CNTNAP5: variants seen among roughly 807,000 people sequenced by gnomAD.
The protein encoded by CNTNAP5 is contactin-associated protein-like 5.
In CNTNAP5, 72 loss-of-function variants were observed where a neutral mutation model predicts 150.2. The observed-to-expected ratio is 0.48, with a 90% CI of 0.40 to 0.58. The LOEUF (loss-of-function observed/expected upper bound fraction) is 0.58, where lower values mean the gene tolerates loss of function less well. Ranked by LOEUF, CNTNAP5 falls within the 20% of genes least tolerant of loss-of-function variation. CNTNAP5 has a pLI of 0.00. For missense variants in CNTNAP5, 1,636 were observed against 1,626.2 expected (o/e 1.01, Z -0.10); for synonymous variants, 672 against 619.8 (o/e 1.08, Z -1.25).
chr2:124,739,545 C>T (rs1358675262), intron 13 of CNTNAP5, among the ~76,000 whole-genome samples: 1 of 152,040 alleles, frequency 6.6e-6, no homozygotes, highest in African/African-American at 2.4e-5. Context: ...ACTTTGGTGG[C>T]CTCGTTCTCT....
intron 19 of CNTNAP5, among the ~76,000 whole-genome samples, chr2:124,864,988 T>G (rs771303507): frequency 6.6e-6 from 1 of 152,080 alleles, no homozygotes; most frequent in African/African-American, 2.4e-5. Context: ...GTAGAAAAGA[T>G]CTTAACTCTA....
intron 11 of CNTNAP5, among the ~76,000 whole-genome samples, chr2:124,594,556 G>C (rs1468750317): frequency 5.1e-4 from 74 of 145,142 alleles, no homozygotes; most frequent in African/African-American, 1.7e-3. Context: ...AGTATAGTTT[G>C]AAGTCAGGTA....
intron 8 of CNTNAP5, among the ~76,000 whole-genome samples, chr2:124,518,023 G>A (rs1028600763): frequency 2.0e-5 from 3 of 151,920 alleles, no homozygotes; most frequent in Admixed American, 6.6e-5. Flanking sequence ...TAGTGAGCAG[G>A]CGTGCTGCTA....
chr2:124,291,633 G>T (rs1688296341), intron 3 of CNTNAP5, among the ~76,000 whole-genome samples: 1 of 151,880 alleles, frequency 6.6e-6, no homozygotes, highest in African/African-American at 2.4e-5. Context: ...AGAAAAAAAT[G>T]CTGCCAAATA....
intron 18 of CNTNAP5, among the ~76,000 whole-genome samples, chr2:124,797,691 C>T (rs1323638098): frequency 6.6e-6 from 1 of 152,212 alleles, no homozygotes; most frequent in Non-Finnish European, 1.5e-5. Flanking sequence ...CTGTCAGGTT[C>T]TCAGTTTTGG....
chr2:124,500,142 C>T (rs540127510), intron 7 of CNTNAP5, among the ~76,000 whole-genome samples: 1 of 152,242 alleles, frequency 6.6e-6, no homozygotes, highest in African/African-American at 2.4e-5. Flanking sequence ...TTGGGGAGGG[C>T]ACTGTACTTT....
At chr2:124,749,373 C>T (rs1680673191) in intron 14 of CNTNAP5, among the ~76,000 whole-genome samples, 1 of 148,280 alleles carries the variant, frequency 6.7e-6, no homozygotes, top group South Asian at 2.2e-4. Context: ...GTCCTTCCCT[C>T]TCTCCCTTCC....
At chr2:124,543,054 G>A (rs150372238) in intron 10 of CNTNAP5, among the ~76,000 whole-genome samples, 7 of 152,258 alleles carry the variant, frequency 4.6e-5, no homozygotes, top group African/African-American at 1.7e-4. Context: ...ACTTCCCAAT[G>A]TGGTTCACGC....
chr2:124,029,767 C>T (rs931857501), intron 1 of CNTNAP5, among the ~76,000 whole-genome samples: 45 of 151,942 alleles, frequency 3.0e-4, no homozygotes, highest in African/African-American at 1.1e-3. Flanking sequence ...CAAAGTAATG[C>T]GATATCATTT....
chr2:124,108,471 C>T (rs540504786), intron 1 of CNTNAP5, among the ~76,000 whole-genome samples: 2 of 152,280 alleles, frequency 1.3e-5, no homozygotes, highest in Non-Finnish European at 2.9e-5. Flanking sequence ...CCTCCCACTT[C>T]TCACCCCTTT....
At chr2:124,346,332 T>A (rs1267672433) in intron 3 of CNTNAP5, among the ~76,000 whole-genome samples, 2 of 152,248 alleles carry the variant, frequency 1.3e-5, no homozygotes, top group Non-Finnish European at 2.9e-5. Context: ...TGGCTTACTC[T>A]GGTTTATTTT....
At chr2:124,114,943 TAAAC>T (rs1424818058) in intron 1 of CNTNAP5, among the ~76,000 whole-genome samples, 11 of 151,856 alleles carry the variant, frequency 7.2e-5, no homozygotes, top group Admixed American at 2.6e-4. Context: ...TTTTAAATCT[TAAAC>T]AAACCTCACC....
intron 14 of CNTNAP5, among the ~76,000 whole-genome samples, chr2:124,755,194 CT>C (rs756119282): frequency 3.2e-4 from 47 of 148,180 alleles, no homozygotes; most frequent in East Asian, 1.8e-3. Context: ...CTATGAAATA[CT>C]TTTTTTTTTA....
At chr2:124,864,968 T>G (rs1287781133) in intron 19 of CNTNAP5, among the ~76,000 whole-genome samples, 1 of 152,072 alleles carries the variant, frequency 6.6e-6, no homozygotes, top group Non-Finnish European at 1.5e-5. Flanking sequence ...TGGTAGGAAT[T>G]GAAGAGAAAG....
intron 10 of CNTNAP5, among the ~76,000 whole-genome samples, chr2:124,547,635 C>T (rs1490833046): frequency 2.0e-5 from 3 of 152,170 alleles, no homozygotes; most frequent in South Asian, 2.1e-4. Context: ...TGTATTCTTG[C>T]GTAAGTGCTT....
intron 3 of CNTNAP5, among the ~76,000 whole-genome samples, chr2:124,257,137 T>C (rs1687333917): frequency 6.6e-6 from 1 of 152,198 alleles, no homozygotes; most frequent in African/African-American, 2.4e-5. Context: ...AGATCATGTG[T>C]CCCTGTTGGA....
intron 3 of CNTNAP5, 84 bp downstream of exon 3, chr2:124,242,477 C>T: frequency 7.6e-7 from 1 of 1,322,768 alleles, no homozygotes; most frequent in Admixed American, 2.2e-5. Context: ...TTCCAATATC[C>T]AGATTGTTGG....
chr2:124,398,538 C>T (rs1691320362), intron 3 of CNTNAP5, among the ~76,000 whole-genome samples: 1 of 148,216 alleles, frequency 6.7e-6, no homozygotes, highest in Non-Finnish European at 1.5e-5. Context: ...CTCTTTTTGC[C>T]CGGACTGGAG....
At chr2:124,121,958 G>T (rs538121322) in intron 1 of CNTNAP5, among the ~76,000 whole-genome samples, 2 of 152,284 alleles carry the variant, frequency 1.3e-5, no homozygotes, top group South Asian at 2.1e-4. Context: ...TAGATTAATT[G>T]GCTTTTGTAT....
Sources: allele counts gnomAD v4.1 joint callset (sites outside exome capture counted in the v4.1 genomes callset), GRCh38; gene constraint gnomAD v4.1.1; transcripts MANE v1.5; gene names NCBI Gene and HGNC (gene_info 2026-07-23, HGNC 2026-07-21).